The following ENDOD1 variants were observed in gnomAD, a reference collection of about 807,000 sequenced individuals.
ENDOD1 encodes endonuclease domain-containing 1 protein.
A neutral mutation model predicts 6.5 loss-of-function variants in ENDOD1; 9 were observed. The ratio of observed to expected loss-of-function variants is 1.39; its 90% CI spans 0.84 to 2.43. The LOEUF (loss-of-function observed/expected upper bound fraction) is 2.43, where lower values mean the gene tolerates loss of function less well. Among genes scored for constraint, ENDOD1 ranks in the 30% most tolerant of loss-of-function variants. The probability of loss-of-function intolerance (pLI) is 0.00; values close to 1 mark genes in which losing one functional copy is unlikely to be tolerated. For synonymous variants in ENDOD1, 255 were observed against 255.2 expected, an observed-to-expected ratio of 1.00 and a Z score of 0.01; for missense variants, 648 against 635.5, an observed-to-expected ratio of 1.02 and a Z score of -0.21.
At chr11:95,091,437 C>T in intron 1 of ENDOD1, among the ~76,000 whole-genome samples, 1 of 152,234 alleles carries the variant, frequency 6.6e-6, no homozygotes, top group East Asian at 1.9e-4. Context: ...GTTGATAACA[C>T]TTGTCGAGAT....
rs3832745 is a variant in ENDOD1 at position 95,131,961 on chromosome 11, G to GCTA, written c.*2386_*2388dup. On this transcript the variant is annotated 3_prime_UTR_variant, in exon 2 of 2. Transcript: ENST00000278505. ...AGGTGGCTGAGACCCACTGCCCTGAGCTACTAGTGTGGCTGTGCCTGTGGG... is the reference window on the plus strand; with the variant it reads ...AGGTGGCTGAGACCCACTGCCCTGAGCTACTACTAGTGTGGCTGTGCCTGTGGG... 29,302 of 152,196 alleles carry GCTA rather than the reference G, an allele frequency of 0.19. 3,171 individuals carry two copies. The highest frequency in any genetic ancestry group is 0.29 in the African/African-American group (11,917 of 41,454). 9.4% of individuals were successfully genotyped at this position (152,196 alleles called of 1,614,324 possible). A position where few individuals can be genotyped will look rare whatever the true frequency, so the allele number is the denominator to read the frequency against.
intron 1 of ENDOD1, among the ~76,000 whole-genome samples, chr11:95,100,864 T>G (rs3021469): frequency 1.2e-5 from 1 of 85,546 alleles, no homozygotes; most frequent in African/African-American, 4.2e-5. Flanking sequence ...ACCTGCTGGG[T>G]GTTTTTTTTT....
intron 1 of ENDOD1, among the ~76,000 whole-genome samples, chr11:95,117,625 A>G (rs1489307286): frequency 2.0e-5 from 3 of 151,940 alleles, no homozygotes; most frequent in African/African-American, 7.3e-5. Flanking sequence ...ATCTTTTTCT[A>G]TCCTTTATTT....
chr11:95,090,661 G>T (rs1369835566), intron 1 of ENDOD1, among the ~76,000 whole-genome samples: 2 of 152,212 alleles, frequency 1.3e-5, no homozygotes, highest in African/African-American at 2.4e-5. Flanking sequence ...GAGGTGGGTA[G>T]GTGGGCATTT....
intron 1 of ENDOD1, among the ~76,000 whole-genome samples, chr11:95,103,129 G>A (rs1287386772): frequency 6.6e-6 from 1 of 151,760 alleles, no homozygotes; most frequent in African/African-American, 2.4e-5. Flanking sequence ...GTGTGTGTGT[G>A]TGTGTGTGTT....
intron 1 of ENDOD1, among the ~76,000 whole-genome samples, chr11:95,123,743 C>T (rs1859285361): frequency 6.6e-6 from 1 of 152,142 alleles, no homozygotes; most frequent in Admixed American, 6.5e-5. Context: ...TGTGGAATTC[C>T]TTTCCTCACA....
intron 1 of ENDOD1, among the ~76,000 whole-genome samples, chr11:95,126,294 C>G (rs1291990275): frequency 2.0e-5 from 3 of 152,222 alleles, no homozygotes; most frequent in Non-Finnish European, 4.4e-5. Context: ...AGGTGCAACA[C>G]AATTCCTATG....
At chr11:95,106,915 G>C (rs1859094798) in intron 1 of ENDOD1, among the ~76,000 whole-genome samples, 1 of 152,008 alleles carries the variant, frequency 6.6e-6, no homozygotes, top group Non-Finnish European at 1.5e-5. Context: ...GTATCTCTGT[G>C]GTGAAGAACA....
chr11:95,097,770 A>G (rs1433267054), intron 1 of ENDOD1, among the ~76,000 whole-genome samples: 3 of 152,316 alleles, frequency 2.0e-5, no homozygotes, highest in African/African-American at 7.2e-5. Flanking sequence ...GTGAAGAAAG[A>G]GCTCATAGTC....
Position 95,113,353 on chromosome 11 carries a change from A to G in ENDOD1, c.301-15024A>G, listed in dbSNP as rs114501257. ...GTCTTATTTATTATTCTTTCTTTCT[A>G]TTTTTTTGTACCCATTAACCGTCTC... is the stretch of plus-strand genomic sequence containing the variant. On this transcript the variant is annotated intron_variant, in intron 1 of 1. Transcript: ENST00000278505. Among the ~76,000 whole-genome samples the G allele has an allele frequency of 3.3e-3, 494 of 151,902 alleles. 5 individuals carry two copies. The highest frequency in any genetic ancestry group is 0.014 in the Middle Eastern group (4 of 294).
At position 95,131,918 on chromosome 11, in the gene ENDOD1, A is replaced by T. The variant is rs1859375001; in HGVS notation, c.*2339A>T. On this transcript the variant is annotated 3_prime_UTR_variant, in exon 2 of 2. Transcript: ENST00000278505. ...AAACCTAAAAAGGGACAATAAAGCA[A>T]AAAGTATCAGTAAGGATAGGTGGCT... The T allele has an allele frequency of 6.6e-6, 1 of 152,158 alleles. No individual in the cohort carries two copies. The highest frequency in any genetic ancestry group is 1.5e-5 in the Non-Finnish European group (1 of 68,044). 9.4% of individuals were successfully genotyped at this position (152,158 alleles called of 1,614,324 possible). A position where few individuals can be genotyped will look rare whatever the true frequency, so the allele number is the denominator to read the frequency against.
intron 1 of ENDOD1, among the ~76,000 whole-genome samples, chr11:95,120,115 C>G (rs189668391): frequency 1.2e-4 from 18 of 152,242 alleles, no homozygotes; most frequent in African/African-American, 4.1e-4. Context: ...ATCCAAGAGC[C>G]AAGTCCTAGA....
intron 1 of ENDOD1, among the ~76,000 whole-genome samples, chr11:95,108,448 TA>T (rs1555111621): frequency 6.7e-6 from 1 of 150,146 alleles, no homozygotes; most frequent in African/African-American, 2.5e-5. Context: ...CATGCTCTGC[TA>T]AAAGGCCTTT....
At position 95,090,158 on chromosome 11, in the gene ENDOD1, G is replaced by A. The variant is rs1555109698; in HGVS notation, c.231G>A (p.Val77=). Residue 77 remains valine (V), a synonymous_variant, in exon 1 of 2, where the codon GTG becomes GTA. Coordinates refer to ENST00000278505, the MANE Select transcript of ENDOD1 (RefSeq NM_015036.3). The part of the protein sequence containing the change: ...TLYSTRDRIP[V]YSAFRAPRPA... ...ACAGCACCCGGGACCGCATCCCCGT[G>A]TACTCCGCGTTCCGCGCCCCGCGCC... 6.8e-7 allele frequency: 1 copy of A among 1,468,960 alleles called. No individual in the cohort carries two copies. Among genetic ancestry groups the A allele is most frequent in the Non-Finnish European group, 9.1e-7 (1 of 1,098,606 alleles). The allele number at this position is 1,468,960 out of a possible 1,614,324, so 91.0% of individuals were successfully genotyped here.
chr11:95,093,641 C>T (rs532780871), intron 1 of ENDOD1, among the ~76,000 whole-genome samples: 18 of 152,314 alleles, frequency 1.2e-4, no homozygotes, highest in Non-Finnish European at 2.2e-4. Context: ...TTATAGAAAG[C>T]ACGCGATAAG....
chr11:95,107,827 A>AT (rs1332225558), intron 1 of ENDOD1, among the ~76,000 whole-genome samples: 21 of 151,810 alleles, frequency 1.4e-4, no homozygotes, highest in African/African-American at 5.1e-4. Flanking sequence ...CGCCCGGCTA[A>AT]TTTTTTTGTA....
At chr11:95,111,333 C>G (rs574255338) in intron 1 of ENDOD1, among the ~76,000 whole-genome samples, 1 of 152,230 alleles carries the variant, frequency 6.6e-6, no homozygotes, top group Admixed American at 6.5e-5. Context: ...GGACAGGTTT[C>G]ATGGAAGAGA....
intron 1 of ENDOD1, among the ~76,000 whole-genome samples, chr11:95,123,114 G>C (rs971818577): frequency 1.3e-5 from 2 of 151,706 alleles, no homozygotes; most frequent in Admixed American, 6.6e-5. Context: ...GCTTGAACCC[G>C]GTAGGCGGAG....
At chr11:95,121,860 G>A (rs191417731) in intron 1 of ENDOD1, among the ~76,000 whole-genome samples, 27 of 152,306 alleles carry the variant, frequency 1.8e-4, no homozygotes, top group African/African-American at 6.3e-4. Flanking sequence ...TACAGGAACT[G>A]TATCAAATTA....
Sources: gnomAD v4.1 joint callset for allele counts (sites outside exome capture counted in the v4.1 genomes callset) on GRCh38, gnomAD v4.1.1 for gene constraint, MANE v1.5 for transcripts, NCBI Gene and HGNC (gene_info 2026-07-23, HGNC 2026-07-21) for gene names.